Variants in PRKCB observed in about 807,000 individuals in gnomAD.
PRKCB encodes protein kinase C beta type.
In PRKCB, 13 loss-of-function variants were observed where a neutral mutation model predicts 81.5. The ratio of observed to expected loss-of-function variants is 0.16; its 90% CI spans 0.10 to 0.25. The LOEUF (loss-of-function observed/expected upper bound fraction) is 0.25. Among genes scored for constraint, PRKCB ranks in the 10% least tolerant of loss-of-function variants. PRKCB has a pLI of 1.00. For synonymous variants in PRKCB, 335 were observed against 321.4 expected, an observed-to-expected ratio of 1.04 and a Z score of -0.45; for missense variants, 509 against 875.7, an observed-to-expected ratio of 0.58 and a Z score of 5.29.
In PRKCB at chr16:24,218,388, C is replaced by T; in HGVS notation, c.*3572C>T. On this transcript the variant is annotated 3_prime_UTR_variant, in exon 17 of 17. Coordinates refer to ENST00000643927, the MANE Select transcript of PRKCB (RefSeq NM_002738.7). The stretch of plus-strand genomic sequence containing the variant: ...CAGGCTAACAGCAAGCAGGACAAGA[C>T]AAAAAGGGCAGGTGGGACATGGTAG... 3 of 985,182 alleles carry T rather than the reference C, an allele frequency of 3.0e-6. No homozygotes were observed. The highest frequency in any genetic ancestry group is 3.6e-6 in the Non-Finnish European group (3 of 829,906). 61.0% of individuals were successfully genotyped at this position (985,182 alleles called of 1,614,324 possible). A position where few individuals can be genotyped will look rare whatever the true frequency, so the allele number is the denominator to read the frequency against.
intron 10 of PRKCB, among the ~76,000 whole-genome samples, chr16:24,167,940 A>C (rs1468287835): frequency 3.3e-5 from 5 of 152,246 alleles, no homozygotes; most frequent in Admixed American, 3.3e-4. Flanking sequence ...GTAGAGGGAC[A>C]AGTGAGACAA....
chr16:24,218,015 A>C lies in PRKCB; in HGVS notation c.*3199A>C, dbSNP rs2141997858. 17 of 985,388 alleles carry C rather than the reference A, an allele frequency of 1.7e-5. No individual in the cohort carries two copies. Among genetic ancestry groups the C allele is most frequent in the Non-Finnish European group, 2.0e-5 (17 of 829,912 alleles). The allele number at this position is 985,388 out of a possible 1,614,324, so 61.0% of individuals were successfully genotyped here. On this transcript the variant is annotated 3_prime_UTR_variant, in exon 17 of 17. Transcript: ENST00000643927. ...TGCAAAAAGGATAGAGGCATATCCC[A>C]AGTCTTCCTTCATTCCACAAATAAT...
chr16:23,910,790 A>G (rs1187769849), intron 2 of PRKCB, among the ~76,000 whole-genome samples: 1 of 152,156 alleles, frequency 6.6e-6, no homozygotes, highest in Non-Finnish European at 1.5e-5. Context: ...CACCCCCGAA[A>G]GAAACCCTGA....
At chr16:23,875,596 C>CATATGTGTGTATATCACACAT (rs1962990727) in intron 2 of PRKCB, among the ~76,000 whole-genome samples, 1 of 31,838 alleles carries the variant, frequency 3.1e-5, no homozygotes, top group Non-Finnish European at 7.2e-5. Flanking sequence ...ATATCACACA[C>CATATGTGTGTATATCACACAT]ATATGTATGT....
intron 2 of PRKCB, among the ~76,000 whole-genome samples, chr16:23,948,487 T>C (rs1353040440): frequency 1.3e-5 from 2 of 152,174 alleles, no homozygotes; most frequent in Non-Finnish European, 2.9e-5. Flanking sequence ...CACTGCAACC[T>C]CCACCTCCAG....
chr16:23,890,459 A>G (rs749794860), intron 2 of PRKCB, among the ~76,000 whole-genome samples: 1 of 152,126 alleles, frequency 6.6e-6, no homozygotes, highest in East Asian at 1.9e-4. Flanking sequence ...CTTCTATGAA[A>G]CAAGGAGAGA....
chr16:24,123,271 C>T (rs1378405246), intron 8 of PRKCB, among the ~76,000 whole-genome samples: 1 of 152,134 alleles, frequency 6.6e-6, no homozygotes, highest in Non-Finnish European at 1.5e-5. Context: ...TGCAAAGGCC[C>T]TGTGGTTGGA....
At chr16:23,842,639 A>G (rs1270876272) in intron 2 of PRKCB, among the ~76,000 whole-genome samples, 1 of 152,236 alleles carries the variant, frequency 6.6e-6, no homozygotes, top group Non-Finnish European at 1.5e-5. Flanking sequence ...CAAATTTTCT[A>G]TGAAAAGCTA....
At chr16:23,836,706 G>C (rs949866871) in intron 1 of PRKCB, among the ~76,000 whole-genome samples, 1 of 151,062 alleles carries the variant, frequency 6.6e-6, no homozygotes, top group Non-Finnish European at 1.5e-5. Flanking sequence ...TCCGACCCGG[G>C]GTTCCCTATC....
At chr16:24,086,404 C>T (rs1966311242) in intron 5 of PRKCB, among the ~76,000 whole-genome samples, 1 of 152,178 alleles carries the variant, frequency 6.6e-6, no homozygotes, top group African/African-American at 2.4e-5. Flanking sequence ...TTAGTCTCTC[C>T]CTCCAACCCT....
intron 7 of PRKCB, among the ~76,000 whole-genome samples, chr16:24,096,666 A>AAAAAAAAAAAATATATATAT (rs1406204037): frequency 9.2e-5 from 3 of 32,710 alleles, no homozygotes; most frequent in Non-Finnish European, 1.8e-4. Context: ...AAAAAAAAAA[A>AAAAAAAAAAAATATATATAT]ATATATATAT....
At chr16:24,048,530 G>A (rs111971495) in intron 5 of PRKCB, among the ~76,000 whole-genome samples, 13 of 148,370 alleles carry the variant, frequency 8.8e-5, no homozygotes, top group East Asian at 2.0e-4. Context: ...TCACTCTGTC[G>A]CCAGGCTGGA....
intron 3 of PRKCB, among the ~76,000 whole-genome samples, chr16:24,003,593 C>G (rs1204205570): frequency 6.6e-6 from 1 of 152,104 alleles, no homozygotes; most frequent in Non-Finnish European, 1.5e-5. Context: ...GCATATTGGC[C>G]AGGCTGGTCT....
intron 16 of PRKCB, among the ~76,000 whole-genome samples, chr16:24,201,001 G>A (rs192794966): frequency 6.6e-6 from 1 of 152,214 alleles, no homozygotes; most frequent in Admixed American, 6.5e-5. Flanking sequence ...GGAAGATTGA[G>A]GCCCATGGGT....
chr16:24,154,907 C>A, intron 10 of PRKCB, 50 bp downstream of exon 10: 1 of 1,574,672 alleles, frequency 6.4e-7, no homozygotes, highest in Non-Finnish European at 8.6e-7. Context: ...CTTCACCAGG[C>A]TTTGGCCAAA....
intron 3 of PRKCB, among the ~76,000 whole-genome samples, chr16:24,025,718 T>A (rs1293838964): frequency 3.9e-5 from 6 of 152,210 alleles, no homozygotes; most frequent in Admixed American, 3.9e-4. Flanking sequence ...ACCCTCAGTA[T>A]ACATTTGCTA....
At chr16:23,945,006 G>A (rs1458332473) in intron 2 of PRKCB, among the ~76,000 whole-genome samples, 6 of 152,146 alleles carry the variant, frequency 3.9e-5, no homozygotes, top group East Asian at 1.9e-4. Context: ...GAGAAAGAAC[G>A]TCAGAGAGGA....
intron 2 of PRKCB, among the ~76,000 whole-genome samples, chr16:23,848,379 C>T (rs1962414343): frequency 6.6e-6 from 1 of 152,138 alleles, no homozygotes; most frequent in Admixed American, 6.5e-5. Context: ...CATTTAGAAG[C>T]AGTGGGGGTG....
intron 2 of PRKCB, among the ~76,000 whole-genome samples, chr16:23,973,770 T>C (rs1214760360): frequency 1.3e-5 from 2 of 152,118 alleles, no homozygotes; most frequent in East Asian, 3.8e-4. Flanking sequence ...AGCCTCGACC[T>C]CCTGGGCTCA....
Sources: allele counts gnomAD v4.1 joint callset (sites outside exome capture counted in the v4.1 genomes callset), GRCh38; gene constraint gnomAD v4.1.1; transcripts MANE v1.5; gene names NCBI Gene and HGNC (gene_info 2026-07-23, HGNC 2026-07-21).